ASB18: variants seen among roughly 807,000 people sequenced by gnomAD.
ASB18 encodes ankyrin repeat and SOCS box protein 18.
Under a neutral mutation model 33.4 loss-of-function variants are expected in ASB18, and 33 were observed. The ratio of observed to expected loss-of-function variants is 0.99; its 90% confidence interval spans 0.75 to 1.32. The LOEUF (loss-of-function observed/expected upper bound fraction) is 1.32. Ranked by LOEUF, ASB18 falls within the 40% of genes most tolerant of loss-of-function variation. ASB18 has a pLI of 0.00. For synonymous variants in ASB18, 295 were observed against 307.6 expected, an observed-to-expected ratio of 0.96 and a Z score of 0.43; for missense variants, 694 against 655.5, an observed-to-expected ratio of 1.06 and a Z score of -0.64.
chr2:236,257,309 C>T lies in ASB18; in HGVS notation c.205+6832G>A, dbSNP rs554423806. ...AGAAAGGTTTAATTTCATTTTGCTT[C>T]GAGCAGGGTCTCCCTGCCCCCACGC... On this transcript the variant is annotated intron_variant, in intron 1 of 5. Transcript: ENST00000409749. The surrounding 1 kb of genome is among the most constrained non-coding windows in gnomAD (Gnocchi z 5.5). Among the ~76,000 whole-genome samples, 1 of 152,312 alleles carries T rather than the reference C, an allele frequency of 6.6e-6. No individual in the cohort carries two copies. Among genetic ancestry groups the T allele is most frequent in the African/African-American group, 2.4e-5 (1 of 41,578 alleles).
At position 236,194,427 on chromosome 2, in the gene ASB18, T is replaced by C. The variant is rs2060361478; in HGVS notation, c.*445A>G. 6.6e-6 allele frequency among the ~76,000 whole-genome samples: 1 copy of C among 152,210 alleles called. No individual in the cohort carries two copies. Among genetic ancestry groups the C allele is most frequent in the Admixed American group, 6.5e-5 (1 of 15,280 alleles). ...AATTGTATTGGTCTTTATTTAGAAG[T>C]GTGGTGATCTTTTTGTGACCAGAAA... On this transcript the variant is annotated 3_prime_UTR_variant, in exon 6 of 6. Transcript: ENST00000409749. The surrounding 1 kb of genome is among the most constrained non-coding windows in gnomAD (Gnocchi z 4.5).
intron 4 of ASB18, among the ~76,000 whole-genome samples, chr2:236,202,308 T>C (rs777537341): frequency 2.7e-5 from 4 of 147,196 alleles, no homozygotes; most frequent in African/African-American, 5.0e-5. Flanking sequence ...TGAGAGTCTG[T>C]GTTGGTAACA....
chr2:236,194,828 G>A lies in ASB18; in HGVS notation c.*44C>T, dbSNP rs779227648. On this transcript the variant is annotated 3_prime_UTR_variant, in exon 6 of 6. Coordinates refer to ENST00000409749, the MANE Select transcript of ASB18 (RefSeq NM_212556.4). This position sits in a 1 kb window ranked among gnomAD's most constrained non-coding sequence, Gnocchi z 4.5. ...TCTCCAACACACGGCCTCCATGGAA[G>A]GTCAGCGAGGAGAACAACAGTATTG... The A allele has an allele frequency of 2.0e-6, 3 of 1,536,432 alleles. No individual in the cohort carries two copies. Among genetic ancestry groups the A allele is most frequent in the African/African-American group, 2.7e-5 (2 of 73,332 alleles).
In ASB18 at chr2:236,264,112, C is replaced by A. The variant is rs1406103414; in HGVS notation, c.205+29G>T. The A allele has an allele frequency of 6.2e-7, 1 of 1,605,600 alleles. No individual in the cohort carries two copies. Among genetic ancestry groups the A allele is most frequent in the African/African-American group, 1.3e-5 (1 of 74,794 alleles). On this transcript the variant is annotated intron_variant, in intron 1 of 5. Transcript: ENST00000409749. This position sits in a 1 kb window ranked among gnomAD's most constrained non-coding sequence, Gnocchi z 5.1. ...CATCAGTGTAACTTAGTAATTAAAT[C>A]CCAGATGCAGCAGGCTCGTTCTGGT...
intron 3 of ASB18, among the ~76,000 whole-genome samples, chr2:236,236,792 C>T (rs1337316618): frequency 6.6e-6 from 1 of 152,188 alleles, no homozygotes; most frequent in Admixed American, 6.5e-5. Flanking sequence ...CTGAGAGAGC[C>T]GCGCGGGTTC....
rs545111576 is a variant in ASB18 at position 236,211,652 on chromosome 2, C to T, written c.1101+2710G>A. ...CCAGCATCTTTGTGGCTGGCTGCAG[C>T]GTCTGTTGCTTTGATGTCGCACATG... On this transcript the variant is annotated intron_variant, in intron 4 of 5. Coordinates refer to ENST00000409749, the MANE Select transcript of ASB18 (RefSeq NM_212556.4). This position sits in a 1 kb window ranked among gnomAD's most constrained non-coding sequence, Gnocchi z 5.0. Among the ~76,000 whole-genome samples the T allele has an allele frequency of 1.3e-5, 2 of 152,328 alleles. No homozygotes were observed. Among genetic ancestry groups the T allele is most frequent in the African/African-American group, 2.4e-5 (1 of 41,584 alleles).
chr2:236,241,574 T>C lies in ASB18; in HGVS notation c.206-172A>G. On this transcript the variant is annotated intron_variant, in intron 1 of 5. Coordinates refer to ENST00000409749, the MANE Select transcript of ASB18 (RefSeq NM_212556.4). The surrounding 1 kb of genome is among the most constrained non-coding windows in gnomAD (Gnocchi z 4.2). ...TTCAGGAACGGGAAAGATGGTCTTATGGAGTGTGAGCTATTTCTATTGTCA... is the reference window on the plus strand; with the variant it reads ...TTCAGGAACGGGAAAGATGGTCTTACGGAGTGTGAGCTATTTCTATTGTCA... 1 of 763,754 alleles carries C rather than the reference T, an allele frequency of 1.3e-6. No individual in the cohort carries two copies. Among genetic ancestry groups the C allele is most frequent in the Non-Finnish European group, 2.3e-6 (1 of 444,036 alleles). 47.3% of individuals were successfully genotyped at this position (763,754 alleles called of 1,614,324 possible). A position where few individuals can be genotyped will look rare whatever the true frequency, so the allele number is the denominator to read the frequency against.
rs923396170 is a variant in ASB18, at chr2:236,250,956, G to T, written c.206-9554C>A. 3.9e-5 allele frequency among the ~76,000 whole-genome samples: 6 copies of T among 152,152 alleles called. No homozygotes were observed. Among genetic ancestry groups the T allele is most frequent in the African/African-American group, 1.2e-4 (5 of 41,434 alleles). ...AACATTTTACTTCCTCAGATCAAGT[G>T]CATCTATTAATAATGACTTAAATTG... is the stretch of plus-strand genomic sequence containing the variant. On this transcript the variant is annotated intron_variant, in intron 1 of 5. Coordinates refer to ENST00000409749, the MANE Select transcript of ASB18 (RefSeq NM_212556.4). This position sits in a 1 kb window ranked among gnomAD's most constrained non-coding sequence, Gnocchi z 4.1.
At position 236,196,236 on chromosome 2, in the gene ASB18, T is replaced by C; in HGVS notation, c.1215+36A>G. ...AAAGAAGCAAAAACAGACAAAAGTT[T>C]TGTACTAAAGATGGGCAGAAAGGCA... On this transcript the variant is annotated intron_variant, in intron 5 of 5. Transcript: ENST00000409749. The surrounding 1 kb of genome is among the most constrained non-coding windows in gnomAD (Gnocchi z 5.6). 2.5e-6 allele frequency: 3 copies of C among 1,209,004 alleles called. No individual in the cohort carries two copies. Among genetic ancestry groups the C allele is most frequent in the South Asian group, 1.3e-5 (1 of 77,264 alleles). The allele number at this position is 1,209,004 out of a possible 1,614,324, so 74.9% of individuals were successfully genotyped here. A position where few individuals can be genotyped will look rare whatever the true frequency, so the allele number is the denominator to read the frequency against.
Position 236,215,047 on chromosome 2 carries a change from T to C in ASB18, c.597-181A>G, listed in dbSNP as rs1395552698. 6.7e-6 allele frequency among the ~76,000 whole-genome samples: 1 copy of C among 148,580 alleles called. No individual in the cohort carries two copies. Among genetic ancestry groups the C allele is most frequent in the African/African-American group, 2.5e-5 (1 of 40,482 alleles). On this transcript the variant is annotated intron_variant, in intron 3 of 5. Transcript: ENST00000409749. This position sits in a 1 kb window ranked among gnomAD's most constrained non-coding sequence, Gnocchi z 7.2. ...AAAAAAAAAAAAAAAAAAGAGATTA[T>C]GGCAAAACCAGCTCCTGAGTGGTGT...
rs1436194765 is a variant in ASB18, at chr2:236,252,031, G to A, written c.206-10629C>T. On this transcript the variant is annotated intron_variant, in intron 1 of 5. Transcript: ENST00000409749. The surrounding 1 kb of genome is among the most constrained non-coding windows in gnomAD (Gnocchi z 7.9). ...CATGCCTGTAATCCCAGCACTTTGG[G>A]AGGCTGAGGCAGGTGAATCACCTGA... 1.3e-5 allele frequency among the ~76,000 whole-genome samples: 2 copies of A among 152,152 alleles called. No individual in the cohort carries two copies. Among genetic ancestry groups the A allele is most frequent in the African/African-American group, 2.4e-5 (1 of 41,448 alleles).
Position 236,215,038 on chromosome 2 carries a change from A to G in ASB18, c.597-172T>C, listed in dbSNP as rs543303274. ...TAAACTGGAAAAAAAAAAAAAAAAA[A>G]AGAGATTATGGCAAAACCAGCTCCT... On this transcript the variant is annotated intron_variant, in intron 3 of 5. Transcript: ENST00000409749. This position sits in a 1 kb window ranked among gnomAD's most constrained non-coding sequence, Gnocchi z 7.2. 1.5e-3 allele frequency among the ~76,000 whole-genome samples: 232 copies of G among 150,954 alleles called. No individual in the cohort carries two copies. Among genetic ancestry groups the G allele is most frequent in the African/African-American group, 4.5e-3 (182 of 40,650 alleles).
chr2:236,254,283 A>T (rs1281794412), intron 1 of ASB18: 1 of 152,394 alleles, frequency 6.6e-6, no homozygotes, highest in African/African-American at 2.4e-5. Context: ...GAGCATCTCC[A>T]TATATCGAAC....
chr2:236,214,458 C>G lies in ASB18; in HGVS notation c.1005G>C (p.Gln335His). ...GGASPLGRVL[Q>H]TASCALQASP... is the part of the protein sequence containing the mutation. ...AGGCCTGGAGAGCGCAGGATGCGGT[C>G]TGGAGCACGCGGCCCAGCGGCGAGG... Residue 335 changes from glutamine (Q) to histidine (H), a missense_variant, in exon 4 of 6, where the codon CAG (glutamine) becomes CAC (histidine). Gln to His is a conservative substitution (Grantham distance 24). Coordinates refer to ENST00000409749, the MANE Select transcript of ASB18 (RefSeq NM_212556.4). The surrounding 1 kb of genome is among the most constrained non-coding windows in gnomAD (Gnocchi z 6.5). 3 of 1,529,738 alleles carry G rather than the reference C, an allele frequency of 2.0e-6. No individual in the cohort carries two copies. The highest frequency in any genetic ancestry group is 2.6e-6 in the Non-Finnish European group (3 of 1,144,806). The allele number at this position is 1,529,738 out of a possible 1,614,324, so 94.8% of individuals were successfully genotyped here. A position where few individuals can be genotyped will look rare whatever the true frequency, so the allele number is the denominator to read the frequency against.
At position 236,208,659 on chromosome 2, in the gene ASB18, G is replaced by GC. The variant is rs1224485131; in HGVS notation, c.1101+5702dup. Among the ~76,000 whole-genome samples, 1 of 151,538 alleles carries GC rather than the reference G, an allele frequency of 6.6e-6. No homozygotes were observed. The highest frequency in any genetic ancestry group is 2.4e-5 in the African/African-American group (1 of 41,274). ...TCACAGACTGTGACAGAGTCTTATT[G>GC]CCTGTCTCTGGGAATTCATTTTCTG... On this transcript the variant is annotated intron_variant, in intron 4 of 5. Coordinates refer to ENST00000409749, the MANE Select transcript of ASB18 (RefSeq NM_212556.4). This position sits in a 1 kb window ranked among gnomAD's most constrained non-coding sequence, Gnocchi z 7.7.
intron 4 of ASB18, among the ~76,000 whole-genome samples, chr2:236,197,510 T>C (rs1472485967): frequency 6.6e-6 from 1 of 152,224 alleles, no homozygotes; most frequent in Non-Finnish European, 1.5e-5. Flanking sequence ...TCCTCTGTTT[T>C]CTGTAAATTA....
chr2:236,218,013 T>A (rs900030516), intron 3 of ASB18, among the ~76,000 whole-genome samples: 4 of 152,202 alleles, frequency 2.6e-5, no homozygotes, highest in Admixed American at 6.5e-5. Flanking sequence ...AAAGAAAAAA[T>A]TTTTTTAAGC....
Position 236,216,620 on chromosome 2 carries a change from C to T in ASB18, c.597-1754G>A, listed in dbSNP as rs971943800. Among the ~76,000 whole-genome samples, 2 of 152,232 alleles carry T rather than the reference C, an allele frequency of 1.3e-5. No individual in the cohort carries two copies. Among genetic ancestry groups the T allele is most frequent in the African/African-American group, 4.8e-5 (2 of 41,470 alleles). ...CTGAACTGCTTCCTCCCTCCACTCC[C>T]AGTGTCACTGTCCTTTGTTGAGGCC... On this transcript the variant is annotated intron_variant, in intron 3 of 5. Coordinates refer to ENST00000409749, the MANE Select transcript of ASB18 (RefSeq NM_212556.4). This position sits in a 1 kb window ranked among gnomAD's most constrained non-coding sequence, Gnocchi z 6.1.
chr2:236,244,250 C>T lies in ASB18; in HGVS notation c.206-2848G>A, dbSNP rs564380443. Among the ~76,000 whole-genome samples the T allele has an allele frequency of 2.0e-5, 3 of 152,318 alleles. No individual in the cohort carries two copies. Among genetic ancestry groups the T allele is most frequent in the East Asian group, 3.9e-4 (2 of 5,176 alleles). ...TGAGTTACGATACAAACTATATGAG[C>T]AGAGGCTGGAGGGAGGTGAAAGGGT... is the stretch of plus-strand genomic sequence containing the variant. On this transcript the variant is annotated intron_variant, in intron 1 of 5. Coordinates refer to ENST00000409749, the MANE Select transcript of ASB18 (RefSeq NM_212556.4). This position sits in a 1 kb window ranked among gnomAD's most constrained non-coding sequence, Gnocchi z 6.1.
Sources: gnomAD v4.1 joint callset for allele counts (sites outside exome capture counted in the v4.1 genomes callset) on GRCh38, gnomAD v4.1.1 for gene constraint, Gnocchi (gnomAD v3.1) non-coding constraint, MANE v1.5 for transcripts, NCBI Gene and HGNC (gene_info 2026-07-23, HGNC 2026-07-21) for gene names.